The following ACTN2 variants were observed in gnomAD, a reference collection of about 807,000 sequenced individuals.
ACTN2 encodes actinin alpha 2.
ACTN2 carries 39 observed loss-of-function variants against 113.8 expected under a neutral mutation model. The ratio of observed to expected loss-of-function variants is 0.34; its 90% confidence interval spans 0.27 to 0.45. ACTN2 has a LOEUF of 0.45. ACTN2 is among the 20% of genes least tolerant of loss of function. The pLI is 1.00. For synonymous variants in ACTN2, 429 were observed against 444.1 expected, an observed-to-expected ratio of 0.97 and a Z score of 0.43; for missense variants, 992 against 1,177.9, an observed-to-expected ratio of 0.84 and a Z score of 2.31.
intron 2 of ACTN2, 61 bp from the exon 3 acceptor site, chr1:236,718,833 T>A: frequency 6.2e-7 from 1 of 1,613,082 alleles, no homozygotes; most frequent in Non-Finnish European, 8.5e-7. Context: ...TTTTGGCATC[T>A]TGATTCCGCA....
chr1:236,749,309 T>C (rs1659327700), intron 14 of ACTN2, 45 bp downstream of exon 14: 1 of 1,612,318 alleles, frequency 6.2e-7, no homozygotes, highest in African/African-American at 1.3e-5. Flanking sequence ...TAGAAGTGAG[T>C]TGTCATTTAA....
intron 7 of ACTN2, among the ~76,000 whole-genome samples, chr1:236,732,960 CATTA>C (rs1349705126): frequency 2.0e-5 from 3 of 152,176 alleles, no homozygotes; most frequent in East Asian, 1.9e-4. Context: ...TAATTTTGCT[CATTA>C]ATTAATCATT....
At chr1:236,713,680 C>T (rs1418516054) in intron 1 of ACTN2, among the ~76,000 whole-genome samples, 1 of 121,804 alleles carries the variant, frequency 8.2e-6, no homozygotes, top group Non-Finnish European at 1.7e-5. Context: ...TATGTATACA[C>T]AGATACCACT....
chr1:236,721,015 G>GGGTTTTT, intron 4 of ACTN2, among the ~76,000 whole-genome samples: 5 of 49,136 alleles, frequency 1.0e-4, no homozygotes, highest in Admixed American at 3.4e-4. Flanking sequence ...TCTGGTTTTT[G>GGGTTTTT]TTTTTTGTTT....
At position 236,737,125 on chromosome 1, in the gene ACTN2, G is replaced by C. The variant is rs753887853; in HGVS notation, c.787G>C (p.Glu263Gln). 6.3e-7 allele frequency: 1 copy of C among 1,599,250 alleles called. No individual in the cohort carries two copies. The highest frequency in any genetic ancestry group is 1.1e-5 in the South Asian group (1 of 90,818). ...GTTTACCTATTGTGTTTTACAGGCCGAGACAGCGGCTAACAGGATATGTAA... is the reference window on the plus strand; with the variant it reads ...GTTTACCTATTGTGTTTTACAGGCCCAGACAGCGGCTAACAGGATATGTAA... The part of the protein sequence containing the change: ...YHAFAGAEQA[E>Q]TAANRICKVL... The change falls in exon 9 of 21, where the codon GAG becomes CAG. Residue 263 changes from glutamate to glutamine, a missense_variant. Around this residue, in one of 3 missense-constraint regions of ACTN2, gnomAD observed 220 missense variants for 337.5 expected, o/e 0.65. Coordinates refer to ENST00000366578, the MANE Select transcript of ACTN2 (RefSeq NM_001103.4).
intron 7 of ACTN2, among the ~76,000 whole-genome samples, chr1:236,732,390 C>A (rs1394649161): frequency 7.2e-5 from 11 of 152,026 alleles, no homozygotes; most frequent in Admixed American, 7.2e-4. Flanking sequence ...CTTCACACAG[C>A]CTTTTCCCCT....
chr1:236,760,115 G>A (rs1352448656), intron 19 of ACTN2, among the ~76,000 whole-genome samples: 3 of 151,998 alleles, frequency 2.0e-5, no homozygotes, highest in African/African-American at 2.4e-5. Flanking sequence ...CTGTGGTGGC[G>A]GGCACCTGTA....
At chr1:236,721,017 TTTTTG>T (rs1162285950) in intron 4 of ACTN2, among the ~76,000 whole-genome samples, 1,528 of 58,896 alleles carry the variant, frequency 0.026, 313 homozygotes, top group African/African-American at 0.057. Context: ...TGGTTTTTGT[TTTTTG>T]TTTTTTTTTT....
chr1:236,762,729 GAA>G lies in ACTN2; in HGVS notation c.*119_*120del. ...TTATTAAGTTGAGAGAGAGAGAGGG[GAA>G]AAAAAAAAGCCTTTCGTAGTTCAGT... On this transcript the variant is annotated 3_prime_UTR_variant, in exon 21 of 21. Transcript: ENST00000366578. 7 of 1,264,746 alleles carry G rather than the reference GAA, an allele frequency of 5.5e-6. No homozygotes were observed. The highest frequency in any genetic ancestry group is 7.5e-6 in the Non-Finnish European group (7 of 930,086). 78.3% of individuals were successfully genotyped at this position (1,264,746 alleles called of 1,614,324 possible).
intron 1 of ACTN2, among the ~76,000 whole-genome samples, chr1:236,713,098 T>C (rs1453973559): frequency 6.6e-6 from 1 of 152,118 alleles, no homozygotes; most frequent in African/African-American, 2.4e-5. Context: ...AACCCAAATA[T>C]TCGTTCATAG....
At position 236,742,886 on chromosome 1, in the gene ACTN2, A is replaced by G. The variant is rs397516564; in HGVS notation, c.1108-10A>G. ...ACACATTTGCTTCCCTTGGCTTCCA[A>G]CCATCCCAGGATATTGCTGGTGCCT... On this transcript the variant is annotated splice_polypyrimidine_tract_variant and intron_variant, in intron 10 of 20. Transcript: ENST00000366578. 3.7e-6 allele frequency: 6 copies of G among 1,614,192 alleles called. No homozygotes were observed. The highest frequency in any genetic ancestry group is 1.6e-4 in the Middle Eastern group (1 of 6,062).
rs1422637812 is a variant in ACTN2 at position 236,743,051 on chromosome 1, G to T, written c.1255+8G>T. On this transcript the variant is annotated splice_region_variant and intron_variant, in intron 11 of 20. Transcript: ENST00000366578. ...ACGAGACTTGGGCTTATGGTAAGTAGACAGGAGTCAGATTGGATTTTTGAA... is the reference window on the plus strand; with the variant it reads ...ACGAGACTTGGGCTTATGGTAAGTATACAGGAGTCAGATTGGATTTTTGAA... 5.0e-6 allele frequency: 8 copies of T among 1,614,104 alleles called. No homozygotes were observed. The highest frequency in any genetic ancestry group is 6.8e-6 in the Non-Finnish European group (8 of 1,180,028).
chr1:236,698,158 T>G (rs1165949434), intron 1 of ACTN2, among the ~76,000 whole-genome samples: 3 of 151,856 alleles, frequency 2.0e-5, no homozygotes, highest in African/African-American at 7.3e-5. Context: ...AAAATTCTTC[T>G]GCACTCAGAA....
At chr1:236,724,741 C>T (rs1225646698) in intron 4 of ACTN2, among the ~76,000 whole-genome samples, 1 of 151,972 alleles carries the variant, frequency 6.6e-6, no homozygotes, top group Admixed American at 6.5e-5. Context: ...GGGGCTGCAG[C>T]TGGCACGTCA....
intron 12 of ACTN2, among the ~76,000 whole-genome samples, chr1:236,746,034 C>T (rs769990975): frequency 6.6e-5 from 10 of 151,560 alleles, no homozygotes; most frequent in Admixed American, 3.3e-4. Flanking sequence ...GGCATGGTGG[C>T]GGGCACCTGT....
intron 7 of ACTN2, chr1:236,734,604 C>G (rs538379589): frequency 1.0e-6 from 1 of 988,624 alleles, no homozygotes. Context: ...TTTTTCCCCC[C>G]TCTCCTCCGA....
intron 1 of ACTN2, among the ~76,000 whole-genome samples, chr1:236,706,988 G>C (rs914510083): frequency 6.6e-6 from 1 of 152,176 alleles, no homozygotes; most frequent in African/African-American, 2.4e-5. Flanking sequence ...GCCGGTTGTG[G>C]GTCTTCCTTT....
chr1:236,736,915 A>T (rs1658894965), intron 8 of ACTN2: 1 of 624,590 alleles, frequency 1.6e-6, no homozygotes, highest in Admixed American at 2.3e-5. Context: ...CCTGCCGTGT[A>T]AGTCTGTGTG....
chr1:236,729,406 A>G (rs1253042720), intron 6 of ACTN2, among the ~76,000 whole-genome samples: 1 of 152,230 alleles, frequency 6.6e-6, no homozygotes, highest in Non-Finnish European at 1.5e-5. Flanking sequence ...TTTCTGCAGT[A>G]GCCACTACAC....
Sources: allele counts gnomAD v4.1 joint callset (sites outside exome capture counted in the v4.1 genomes callset), GRCh38; gene constraint gnomAD v4.1.1; regional missense constraint gnomAD v4.1.1; transcripts MANE v1.5; gene names NCBI Gene and HGNC (gene_info 2026-07-23, HGNC 2026-07-21).